Variants in SNX29 observed in about 807,000 individuals in gnomAD.
The protein encoded by SNX29 is sorting nexin-29.
In SNX29, 78 loss-of-function variants were observed where a neutral mutation model predicts 102.1. The observed-to-expected ratio is 0.76, with a 90% confidence interval of 0.64 to 0.92. The LOEUF (loss-of-function observed/expected upper bound fraction) is 0.92, where lower values mean the gene tolerates loss of function less well. SNX29 is among the 40% of genes least tolerant of loss of function. The pLI is 0.00. For synonymous variants in SNX29, 580 were observed against 414.5 expected, an observed-to-expected ratio of 1.40 and a Z score of -4.85; for missense variants, 1,280 against 1,061.7, an observed-to-expected ratio of 1.21 and a Z score of -2.86.
At chr16:12,197,230 T>C (rs1362530863) in intron 13 of SNX29, among the ~76,000 whole-genome samples, 1 of 152,024 alleles carries the variant, frequency 6.6e-6, no homozygotes, top group African/African-American at 2.4e-5. Flanking sequence ...AGATTGGGAG[T>C]AGGCTGGGCT....
chr16:12,043,856 G>T (rs1288119309), intron 5 of SNX29, among the ~76,000 whole-genome samples: 6 of 151,978 alleles, frequency 3.9e-5, no homozygotes, highest in African/African-American at 1.2e-4. Context: ...TAGTTCGAGC[G>T]ATTCTCCTGC....
At chr16:12,426,446 A>T (rs2085083565) in intron 18 of SNX29, among the ~76,000 whole-genome samples, 1 of 152,206 alleles carries the variant, frequency 6.6e-6, no homozygotes, top group Non-Finnish European at 1.5e-5. Flanking sequence ...AATGAGCCGG[A>T]AAGTATAATC....
At chr16:12,542,416 G>C (rs920128239) in intron 20 of SNX29, among the ~76,000 whole-genome samples, 5 of 152,196 alleles carry the variant, frequency 3.3e-5, no homozygotes. Context: ...CCTCACTACA[G>C]CCTTCGCCTC....
At chr16:12,382,499 A>G (rs1355792033) in intron 16 of SNX29, among the ~76,000 whole-genome samples, 1 of 152,206 alleles carries the variant, frequency 6.6e-6, no homozygotes, top group Admixed American at 6.5e-5. Context: ...AATGATCATG[A>G]TATCTACTCC....
intron 20 of SNX29, among the ~76,000 whole-genome samples, chr16:12,563,338 G>A (rs1055718595): frequency 2.6e-5 from 4 of 152,182 alleles, no homozygotes; most frequent in East Asian, 1.9e-4. Context: ...GTCGAGGAGT[G>A]GCCATTATCC....
Position 12,569,755 on chromosome 16 carries a change from C to G in SNX29, c.*1126C>G, listed in dbSNP as rs962954903. The G allele has an allele frequency of 1.7e-5, 4 of 230,344 alleles. No homozygotes were observed. Among genetic ancestry groups the G allele is most frequent in the Non-Finnish European group, 3.4e-5 (4 of 116,310 alleles). The allele number at this position is 230,344 out of a possible 1,614,324, so 14.3% of individuals were successfully genotyped here. ...CCCCCAGGGCTCCTCCTCCAGTGAG[C>G]TCACATCAGAGCACCTCACAGAGCA... On this transcript the variant is annotated 3_prime_UTR_variant, in exon 21 of 21. Coordinates refer to ENST00000566228, the MANE Select transcript of SNX29 (RefSeq NM_032167.5).
intron 18 of SNX29, among the ~76,000 whole-genome samples, chr16:12,464,083 CT>C (rs2086940744): frequency 6.6e-6 from 1 of 152,010 alleles, no homozygotes; most frequent in Admixed American, 6.6e-5. Flanking sequence ...TAGAACTTCA[CT>C]CACGTCCGCC....
intron 18 of SNX29, among the ~76,000 whole-genome samples, chr16:12,423,019 C>T (rs2084929370): frequency 6.6e-6 from 1 of 152,158 alleles, no homozygotes; most frequent in South Asian, 2.1e-4. Flanking sequence ...TCTCAAAGCC[C>T]AGCTCAGGAA....
At chr16:12,490,959 A>G (rs918575152) in intron 19 of SNX29, among the ~76,000 whole-genome samples, 2 of 152,200 alleles carry the variant, frequency 1.3e-5, no homozygotes, top group Non-Finnish European at 2.9e-5. Context: ...GTGTCCTTAT[A>G]TTACATATGA....
intron 19 of SNX29, among the ~76,000 whole-genome samples, chr16:12,512,757 G>A (rs951682843): frequency 1.3e-5 from 2 of 152,088 alleles, no homozygotes; most frequent in Admixed American, 1.3e-4. Flanking sequence ...CTCCTCACAG[G>A]GCCTGGCACA....
intron 20 of SNX29, among the ~76,000 whole-genome samples, chr16:12,562,422 A>C (rs564247515): frequency 1.3e-5 from 2 of 152,204 alleles, no homozygotes; most frequent in East Asian, 3.8e-4. Context: ...TTACCCACTT[A>C]AAGTGCACAC....
chr16:12,483,119 T>TGTTTTTTTG (rs1555549919), intron 19 of SNX29, among the ~76,000 whole-genome samples: 1 of 100,560 alleles, frequency 9.9e-6, no homozygotes, highest in Non-Finnish European at 1.9e-5. Context: ...ATTAAGTTTT[T>TGTTTTTTTG]TTTTTTTTTT....
chr16:12,358,769 C>T (rs1256300822), intron 16 of SNX29, among the ~76,000 whole-genome samples: 1 of 152,170 alleles, frequency 6.6e-6, no homozygotes, highest in African/African-American at 2.4e-5. Context: ...TATCCAATCA[C>T]GTTGTTAATC....
At chr16:12,335,075 G>A (rs2081407304) in intron 15 of SNX29, among the ~76,000 whole-genome samples, 1 of 152,014 alleles carries the variant, frequency 6.6e-6, no homozygotes, top group Non-Finnish European at 1.5e-5. Flanking sequence ...GTTCCTGTGG[G>A]AAATGACATC....
At chr16:12,430,977 C>T (rs151208763) in intron 18 of SNX29, among the ~76,000 whole-genome samples, 22 of 152,084 alleles carry the variant, frequency 1.4e-4, no homozygotes, top group African/African-American at 4.6e-4. Context: ...CTCAGCCTCC[C>T]GAGTAGCAGG....
intron 19 of SNX29, among the ~76,000 whole-genome samples, chr16:12,491,102 C>G (rs548361777): frequency 5.3e-5 from 8 of 152,366 alleles, no homozygotes; most frequent in South Asian, 2.1e-4. Flanking sequence ...CATTCTAATG[C>G]ATTAACTGCT....
At chr16:12,294,386 G>A (rs1196475841) in intron 15 of SNX29, among the ~76,000 whole-genome samples, 1 of 152,166 alleles carries the variant, frequency 6.6e-6, no homozygotes, top group African/African-American at 2.4e-5. Context: ...CATGTACAGG[G>A]TCACTGGACA....
At position 12,129,872 on chromosome 16, in the gene SNX29, A is replaced by G. The variant is rs1293804386; in HGVS notation, c.1595+114A>G. On this transcript the variant is annotated intron_variant, in intron 13 of 20. Transcript: ENST00000566228. ...GTAATCCCAGCACTTTGGGAGGCCA[A>G]GGCGGGTGGATCATAAGGTCAGGAG... 10 of 1,269,294 alleles carry G rather than the reference A, an allele frequency of 7.9e-6. No homozygotes were observed. The African/African-American group carries it at 1.4e-4, about 17-fold the overall frequency. The allele number at this position is 1,269,294 out of a possible 1,614,324, so 78.6% of individuals were successfully genotyped here. A position where few individuals can be genotyped will look rare whatever the true frequency, so the allele number is the denominator to read the frequency against.
intron 15 of SNX29, among the ~76,000 whole-genome samples, chr16:12,287,719 T>C (rs146369114): frequency 6.6e-6 from 1 of 152,198 alleles, no homozygotes; most frequent in African/African-American, 2.4e-5. Context: ...TTTAAACAGG[T>C]GTTTGAATCA....
Sources: allele counts gnomAD v4.1 joint callset (sites outside exome capture counted in the v4.1 genomes callset), GRCh38; gene constraint gnomAD v4.1.1; transcripts MANE v1.5; gene names NCBI Gene and HGNC (gene_info 2026-07-23, HGNC 2026-07-21).